The following PDZRN4 variants were observed in gnomAD, a reference collection of about 807,000 sequenced individuals.
PDZRN4 encodes PDZ domain-containing RING finger protein 4.
A neutral mutation model predicts 99.0 loss-of-function variants in PDZRN4; 70 were observed. The ratio of observed to expected loss-of-function variants is 0.71; its 90% CI spans 0.58 to 0.86. PDZRN4 has a LOEUF of 0.86. Ranked by LOEUF, PDZRN4 falls within the 40% of genes least tolerant of loss-of-function variation. The pLI, the probability that PDZRN4 is intolerant of heterozygous loss-of-function variation, is 0.00. For synonymous variants in PDZRN4, 551 were observed against 501.6 expected, an observed-to-expected ratio of 1.10 and a Z score of -1.32; for missense variants, 1,474 against 1,331.2, an observed-to-expected ratio of 1.11 and a Z score of -1.67.
At chr12:41,324,676 TTTGTCATA>T (rs1304019388) in intron 3 of PDZRN4, among the ~76,000 whole-genome samples, 5 of 152,230 alleles carry the variant, frequency 3.3e-5, no homozygotes, top group Admixed American at 2.0e-4. Context: ...AATTGTGGTA[TTTGTCATA>T]TATTCTAGAT....
At chr12:41,213,466 A>G (rs1381013602) in intron 3 of PDZRN4, among the ~76,000 whole-genome samples, 1 of 152,062 alleles carries the variant, frequency 6.6e-6, no homozygotes, top group Non-Finnish European at 1.5e-5. Flanking sequence ...ATAAACAGTC[A>G]TGAGCGCATG....
At chr12:41,270,261 T>A (rs1951305178) in intron 3 of PDZRN4, among the ~76,000 whole-genome samples, 1 of 100,558 alleles carries the variant, frequency 9.9e-6, no homozygotes, top group African/African-American at 5.9e-5. Flanking sequence ...TCGTAACTAT[T>A]GTGTGTGTGT....
chr12:41,303,845 C>T (rs549428969), intron 3 of PDZRN4, among the ~76,000 whole-genome samples: 1 of 152,304 alleles, frequency 6.6e-6, no homozygotes, highest in South Asian at 2.1e-4. Context: ...TCTTTATTGT[C>T]ACTCTGTGTG....
At chr12:41,564,502 TATG>T (rs1939329753) in intron 8 of PDZRN4, among the ~76,000 whole-genome samples, 1 of 152,344 alleles carries the variant, frequency 6.6e-6, no homozygotes, top group East Asian at 1.9e-4. Context: ...CGGTTATTGA[TATG>T]ATATTTTTCA....
At chr12:41,463,089 C>A (rs1952888028) in intron 3 of PDZRN4, among the ~76,000 whole-genome samples, 1 of 152,154 alleles carries the variant, frequency 6.6e-6, no homozygotes, top group South Asian at 2.1e-4. Context: ...TCAGTAGCTT[C>A]CAACTATCTA....
At chr12:41,361,912 G>A (rs938929912) in intron 3 of PDZRN4, among the ~76,000 whole-genome samples, 2 of 151,868 alleles carry the variant, frequency 1.3e-5, no homozygotes, top group Non-Finnish European at 2.9e-5. Context: ...AATTGTACTC[G>A]GGGCTGACTC....
At chr12:41,244,336 T>G (rs1467580010) in intron 3 of PDZRN4, among the ~76,000 whole-genome samples, 1 of 152,188 alleles carries the variant, frequency 6.6e-6, no homozygotes, top group Non-Finnish European at 1.5e-5. Flanking sequence ...TCCCTTCCTC[T>G]TTTGTGCCAC....
chr12:41,354,153 G>A (rs1951911156), intron 3 of PDZRN4, among the ~76,000 whole-genome samples: 1 of 152,126 alleles, frequency 6.6e-6, no homozygotes, highest in Admixed American at 6.6e-5. Context: ...ATAGCAATAT[G>A]AGATTGAGCA....
intron 3 of PDZRN4, among the ~76,000 whole-genome samples, chr12:41,252,405 G>GTTA (rs1951176707): frequency 1.3e-5 from 2 of 152,314 alleles, no homozygotes; most frequent in African/African-American, 4.8e-5. Flanking sequence ...GTTATCCTGA[G>GTTA]TGATAGCAGG....
chr12:41,386,151 C>T (rs1952169257), intron 3 of PDZRN4, among the ~76,000 whole-genome samples: 1 of 152,042 alleles, frequency 6.6e-6, no homozygotes, highest in South Asian at 2.1e-4. Flanking sequence ...ACTAGTTATT[C>T]AGGAAATATA....
intron 3 of PDZRN4, among the ~76,000 whole-genome samples, chr12:41,349,670 C>G (rs1845105602): frequency 6.6e-6 from 1 of 151,876 alleles, no homozygotes; most frequent in South Asian, 2.1e-4. Context: ...TAGTTTGTAC[C>G]CAGCACCACA....
chr12:41,528,709 T>C (rs754600407), intron 5 of PDZRN4, among the ~76,000 whole-genome samples: 7 of 152,222 alleles, frequency 4.6e-5, no homozygotes, highest in Non-Finnish European at 8.8e-5. Context: ...ATTTTTCTTA[T>C]AGAAAGAAAA....
At chr12:41,215,491 T>A (rs1039210816) in intron 3 of PDZRN4, among the ~76,000 whole-genome samples, 1 of 152,012 alleles carries the variant, frequency 6.6e-6, no homozygotes, top group Non-Finnish European at 1.5e-5. Flanking sequence ...GAGTGATATG[T>A]TGAAAGTTTA....
At chr12:41,522,336 T>C (rs891766995) in intron 5 of PDZRN4, among the ~76,000 whole-genome samples, 2 of 152,176 alleles carry the variant, frequency 1.3e-5, no homozygotes, top group African/African-American at 2.4e-5. Context: ...ATAATTTGCA[T>C]GACCAGCAGA....
rs556923780 is a variant in PDZRN4 at position 41,416,645 on chromosome 12, G to C, written c.844-89811G>C. On this transcript the variant is annotated intron_variant, in intron 3 of 9. Transcript: ENST00000402685. ...GCACTCCAGCCTGGGCAACAACAGC[G>C]AAACTCCATCTAAAGAAAAAAAGAA... Among the ~76,000 whole-genome samples the C allele has an allele frequency of 2.6e-5, 4 of 152,130 alleles. No homozygotes were observed. In the South Asian group the frequency reaches 6.2e-4, roughly 24 times the overall value.
chr12:41,301,589 G>A (rs1951535695), intron 3 of PDZRN4, among the ~76,000 whole-genome samples: 2 of 151,982 alleles, frequency 1.3e-5, no homozygotes, highest in African/African-American at 2.4e-5. Flanking sequence ...AAATTCAAGA[G>A]CTTATTGCAG....
intron 3 of PDZRN4, among the ~76,000 whole-genome samples, chr12:41,223,521 T>C (rs1950972231): frequency 6.6e-6 from 1 of 152,202 alleles, no homozygotes; most frequent in Admixed American, 6.5e-5. Flanking sequence ...GATTGTGCTG[T>C]TTTATTTAAA....
intron 7 of PDZRN4, among the ~76,000 whole-genome samples, chr12:41,557,940 A>G (rs561494826): frequency 1.1e-4 from 17 of 152,296 alleles, no homozygotes; most frequent in African/African-American, 4.1e-4. Context: ...TCTTTAACAC[A>G]TGCACATGAA....
intron 3 of PDZRN4, among the ~76,000 whole-genome samples, chr12:41,240,268 T>C (rs1286142491): frequency 1.3e-5 from 2 of 152,186 alleles, no homozygotes; most frequent in Non-Finnish European, 1.5e-5. Context: ...ATCAATGACA[T>C]AATGAGATTC....
Sources: allele counts gnomAD v4.1 joint callset (sites outside exome capture counted in the v4.1 genomes callset), GRCh38; gene constraint gnomAD v4.1.1; transcripts MANE v1.5; gene names NCBI Gene and HGNC (gene_info 2026-07-23, HGNC 2026-07-21).